Variants in DLGAP2 observed in about 807,000 individuals in gnomAD.
DLGAP2 encodes disks large-associated protein 2.
DLGAP2 carries 26 observed loss-of-function variants against 100.3 expected under a neutral mutation model. The ratio of observed to expected loss-of-function variants is 0.26; its 90% CI spans 0.19 to 0.36. DLGAP2 has a LOEUF of 0.36. DLGAP2 is among the 10% of genes least tolerant of loss of function. DLGAP2 has a pLI of 1.00. For synonymous variants in DLGAP2, 886 were observed against 630.1 expected, an observed-to-expected ratio of 1.41 and a Z score of -6.08; for missense variants, 1,858 against 1,453.2, an observed-to-expected ratio of 1.28 and a Z score of -4.53.
intron 1 of DLGAP2, among the ~76,000 whole-genome samples, chr8:797,130 T>G (rs1425182006): frequency 1.3e-5 from 2 of 152,214 alleles, no homozygotes; most frequent in Non-Finnish European, 2.9e-5. Flanking sequence ...CCATGAGTTT[T>G]GACAATTGAA....
chr8:1,151,325 C>A (rs540513987), intron 2 of DLGAP2, among the ~76,000 whole-genome samples: 1 of 152,078 alleles, frequency 6.6e-6, no homozygotes, highest in South Asian at 2.1e-4. Flanking sequence ...AAAGAAGCTC[C>A]ACAGTAAAAA....
chr8:1,626,852 G>A lies in DLGAP2; in HGVS notation c.1555G>A (p.Val519Ile), dbSNP rs371441823. The A allele has an allele frequency of 2.1e-5, 33 of 1,606,324 alleles. No homozygotes were observed. Among genetic ancestry groups the A allele is most frequent in the African/African-American group, 8.0e-5 (6 of 74,782 alleles). The change falls in exon 7 of 15, where the codon GTC (valine) becomes ATC (isoleucine). Residue 519 changes from valine (V) to isoleucine (I), a missense_variant. Val to Ile is a conservative substitution (Grantham distance 29). Transcript: ENST00000637795. ...CCGGAACCAGAGCTACATGAGGGCC[G>A]TCAGCACCCTGAGCCAGGCCAGCTG... is the stretch of plus-strand genomic sequence containing the variant. ...RSRNQSYMRA[V>I]STLSQASCVS...
intron 2 of DLGAP2, among the ~76,000 whole-genome samples, chr8:1,205,702 C>T (rs892676121): frequency 3.3e-5 from 5 of 152,122 alleles, no homozygotes; most frequent in Admixed American, 6.5e-5. Context: ...CACTGGGATT[C>T]GGACAGGTTC....
At chr8:1,043,519 C>T (rs543751008) in intron 2 of DLGAP2, among the ~76,000 whole-genome samples, 2 of 152,056 alleles carry the variant, frequency 1.3e-5, no homozygotes, top group Admixed American at 1.3e-4. Context: ...TCCCCCTGGC[C>T]TTCGTAGGAC....
chr8:981,109 C>T lies in DLGAP2; in HGVS notation c.73+73143C>T, dbSNP rs1416646339. On this transcript the variant is annotated intron_variant, in intron 2 of 14. Transcript: ENST00000637795. ...CCTGCCCCAGACCCTGCACCTGTAACCTACTGTCTGTCTCTCGGAATTCCC... is the reference window on the plus strand; with the variant it reads ...CCTGCCCCAGACCCTGCACCTGTAATCTACTGTCTGTCTCTCGGAATTCCC... 3.3e-5 allele frequency among the ~76,000 whole-genome samples: 5 copies of T among 152,206 alleles called. No individual in the cohort carries two copies. In the East Asian group the frequency reaches 7.7e-4, roughly 24 times the overall value.
intron 1 of DLGAP2, among the ~76,000 whole-genome samples, chr8:849,524 G>T (rs1797141104): frequency 6.6e-6 from 1 of 152,184 alleles, no homozygotes; most frequent in African/African-American, 2.4e-5. Context: ...ATGAGAAGCT[G>T]CCAAGCTGCT....
rs568369007 is a variant in DLGAP2 at position 1,458,889 on chromosome 8, T to G, written c.107-42477T>G. On this transcript the variant is annotated intron_variant, in intron 3 of 14. Coordinates refer to ENST00000637795, the MANE Select transcript of DLGAP2 (RefSeq NM_001346810.2). Reference sequence around the variant, plus strand: ...TGATATGGGGCTCTGTAGGCTGTGCTAGGGCCTCTGGCCACTCAGCATCTT... The same window carrying G: ...TGATATGGGGCTCTGTAGGCTGTGCGAGGGCCTCTGGCCACTCAGCATCTT... Among the ~76,000 whole-genome samples, 412 of 152,326 alleles carry G rather than the reference T, an allele frequency of 2.7e-3. 4 individuals carry two copies. The highest frequency in any genetic ancestry group is 9.4e-3 in the African/African-American group (390 of 41,590).
chr8:1,450,585 C>A (rs1011677071), intron 3 of DLGAP2, among the ~76,000 whole-genome samples: 2 of 152,024 alleles, frequency 1.3e-5, no homozygotes, highest in African/African-American at 4.8e-5. Context: ...TGAACCATGG[C>A]CCCAGGGCTA....
At chr8:1,622,461 T>C (rs1030008244) in intron 6 of DLGAP2, 2 of 152,218 alleles carry the variant, frequency 1.3e-5, no homozygotes, top group Admixed American at 6.5e-5. Context: ...CCCTTTGTTA[T>C]GTATATTCGT....
At chr8:1,427,626 G>C (rs1797272154) in intron 3 of DLGAP2, among the ~76,000 whole-genome samples, 1 of 152,186 alleles carries the variant, frequency 6.6e-6, no homozygotes, top group Non-Finnish European at 1.5e-5. Context: ...TTGGGGGTGG[G>C]TCTTTCCTGC....
In DLGAP2 at chr8:1,615,362, C is replaced by T. The variant is rs147390870; in HGVS notation, c.1443-11378C>T. On this transcript the variant is annotated intron_variant, in intron 6 of 14. Coordinates refer to ENST00000637795, the MANE Select transcript of DLGAP2 (RefSeq NM_001346810.2). ...ACACATTGGAGGAGGGAGCAGGTGC[C>T]GGGGTCTCTGCCAGTCGTGTCCTTT... 2.2e-3 allele frequency among the ~76,000 whole-genome samples: 338 copies of T among 152,200 alleles called. 2 individuals carry two copies. The highest frequency in any genetic ancestry group is 7.7e-3 in the African/African-American group (320 of 41,530).
At chr8:778,818 A>G (rs547290647) in intron 1 of DLGAP2, among the ~76,000 whole-genome samples, 32 of 152,320 alleles carry the variant, frequency 2.1e-4, no homozygotes, top group South Asian at 1.5e-3. Context: ...TGCCCCCAGA[A>G]GTGGAGCCTA....
chr8:831,650 A>G (rs1318246463), intron 1 of DLGAP2, among the ~76,000 whole-genome samples: 3 of 152,114 alleles, frequency 2.0e-5, no homozygotes, highest in South Asian at 4.1e-4. Flanking sequence ...AGTCTTTGCT[A>G]TTGTTAATAG....
intron 1 of DLGAP2, among the ~76,000 whole-genome samples, chr8:902,259 G>A (rs966357789): frequency 1.3e-5 from 2 of 152,050 alleles, no homozygotes; most frequent in African/African-American, 2.4e-5. Context: ...AGGAGTCCTC[G>A]CTGAGCCCCC....
intron 1 of DLGAP2, among the ~76,000 whole-genome samples, chr8:808,825 T>A (rs1005957970): frequency 2.6e-5 from 4 of 152,170 alleles, no homozygotes; most frequent in African/African-American, 9.7e-5. Context: ...GTGAAATACT[T>A]GTTTAGCCAG....
At chr8:892,175 C>A (rs1798048416) in intron 1 of DLGAP2, among the ~76,000 whole-genome samples, 1 of 152,138 alleles carries the variant, frequency 6.6e-6, no homozygotes, top group African/African-American at 2.4e-5. Flanking sequence ...ACGGAACCAC[C>A]TTGTGACCCA....
intron 3 of DLGAP2, among the ~76,000 whole-genome samples, chr8:1,355,797 A>G (rs986119133): frequency 1.3e-5 from 2 of 149,230 alleles, no homozygotes; most frequent in African/African-American, 5.0e-5. Flanking sequence ...TCCTCCCACA[A>G]CCCCCACCCC....
At chr8:900,090 G>A (rs1488496481) in intron 1 of DLGAP2, among the ~76,000 whole-genome samples, 1 of 152,216 alleles carries the variant, frequency 6.6e-6, no homozygotes, top group African/African-American at 2.4e-5. Flanking sequence ...AGAGGGCACT[G>A]GGTGGATGGT....
At chr8:1,341,046 C>A (rs188067968) in intron 3 of DLGAP2, among the ~76,000 whole-genome samples, 1 of 152,074 alleles carries the variant, frequency 6.6e-6, no homozygotes, top group African/African-American at 2.4e-5. Context: ...AACTCACGGA[C>A]ACATAGAGGG....
Sources: gnomAD v4.1 joint callset for allele counts (sites outside exome capture counted in the v4.1 genomes callset) on GRCh38, gnomAD v4.1.1 for gene constraint, MANE v1.5 for transcripts, NCBI Gene and HGNC (gene_info 2026-07-23, HGNC 2026-07-21) for gene names.